FAM78A: variants seen among roughly 807,000 people sequenced by gnomAD.
FAM78A encodes the protein protein FAM78A.
In FAM78A, 12 loss-of-function variants were observed where a neutral mutation model predicts 22.6. That is an observed-to-expected ratio of 0.53 (90% CI 0.34 to 0.86). The LOEUF (loss-of-function observed/expected upper bound fraction) is 0.86. Ranked by LOEUF, FAM78A falls within the 40% of genes least tolerant of loss-of-function variation. The pLI, the probability that FAM78A is intolerant of heterozygous loss-of-function variation, is 0.02. For missense variants in FAM78A, 322 were observed against 396.1 expected, an observed-to-expected ratio of 0.81 and a Z score of 1.59; for synonymous variants, 151 against 155.8, an observed-to-expected ratio of 0.97 and a Z score of 0.23.
chr9:131,267,962 G>C (rs981106039), intron 1 of FAM78A, among the ~76,000 whole-genome samples: 7 of 150,132 alleles, frequency 4.7e-5, no homozygotes, highest in Non-Finnish European at 1.0e-4. Context: ...TGAGGCAGGA[G>C]AATGGCATGA....
chr9:131,263,157 T>C (rs1428290645), intron 1 of FAM78A, among the ~76,000 whole-genome samples: 2 of 149,434 alleles, frequency 1.3e-5, no homozygotes, highest in East Asian at 3.9e-4. Flanking sequence ...GAGAATCGCT[T>C]GAACCCAGGA....
chr9:131,273,103 G>A (rs544741691), intron 1 of FAM78A, among the ~76,000 whole-genome samples: 1 of 152,262 alleles, frequency 6.6e-6, no homozygotes, highest in East Asian at 1.9e-4. Flanking sequence ...TGGTAACTCG[G>A]CCCCTTAGGA....
chr9:131,274,417 C>T lies in FAM78A; in HGVS notation c.323+1440G>A, dbSNP rs1326503702. Among the ~76,000 whole-genome samples the T allele has an allele frequency of 6.6e-6, 1 of 152,218 alleles. No individual in the cohort carries two copies. The highest frequency in any genetic ancestry group is 2.4e-5 in the African/African-American group (1 of 41,456). ...AGGTCCTCACTGCATAACTAAGAATCATGTTTCCCTGCTTAGAACAGAAAG... is the reference window on the plus strand; with the variant it reads ...AGGTCCTCACTGCATAACTAAGAATTATGTTTCCCTGCTTAGAACAGAAAG... On this transcript the variant is annotated intron_variant, in intron 1 of 1. Coordinates refer to ENST00000372271, the MANE Select transcript of FAM78A (RefSeq NM_033387.4). The surrounding 1 kb of genome is among the most constrained non-coding windows in gnomAD (Gnocchi z 4.2).
upstream of FAM78A, among the ~76,000 whole-genome samples, chr9:131,279,460 AT>A (rs1420648941): frequency 1.3e-5 from 2 of 152,094 alleles, no homozygotes; most frequent in African/African-American, 4.8e-5. Context: ...TGTCTGTTTC[AT>A]TTCCCGACTC....
At chr9:131,277,728 G>T (rs1456785742), upstream of FAM78A, among the ~76,000 whole-genome samples, 6 of 150,598 alleles carry the variant, frequency 4.0e-5, no homozygotes, top group Non-Finnish European at 7.4e-5. This position sits in a 1 kb window ranked among gnomAD's most constrained non-coding sequence, Gnocchi z 8.4. Flanking sequence ...TTGGGGCTTC[G>T]GGGGGGCGGC....
At chr9:131,277,432 C>T (rs934855836), upstream of FAM78A, among the ~76,000 whole-genome samples, 10 of 152,106 alleles carry the variant, frequency 6.6e-5, no homozygotes, top group African/African-American at 2.2e-4. The surrounding 1 kb of genome is among the most constrained non-coding windows in gnomAD (Gnocchi z 8.4). Flanking sequence ...CGTCAAGCGC[C>T]TCTGTCGCCC....
In FAM78A at chr9:131,275,593, A is replaced by G. The variant is rs1238285454; in HGVS notation, c.323+264T>C. ...AGTAATGTCTCTCTGCTTTCTCGGC[A>G]TCTTGCAGGGAAGGACACAGGAACC... On this transcript the variant is annotated intron_variant, in intron 1 of 1. Transcript: ENST00000372271. This position sits in a 1 kb window ranked among gnomAD's most constrained non-coding sequence, Gnocchi z 4.6. Among the ~76,000 whole-genome samples the G allele has an allele frequency of 6.6e-6, 1 of 152,208 alleles. No homozygotes were observed. Among genetic ancestry groups the G allele is most frequent in the Non-Finnish European group, 1.5e-5 (1 of 68,036 alleles).
chr9:131,261,039 C>T lies in FAM78A; in HGVS notation c.635G>A (p.Arg212His), dbSNP rs1325823077. ...DMIILQTLHW[R>H]MQLSIEVNPN... ...GTTCACCTCGATGCTGAGCTGCATG[C>T]GCCAGTGCAGCGTCTGCAGGATGAT... Residue 212 changes from arginine to histidine, a missense_variant, in exon 2 of 2, where the codon CGC becomes CAC. Physicochemically the swap from Arg to His is conservative, Grantham distance 29 (BLOSUM62 0). Coordinates refer to ENST00000372271, the MANE Select transcript of FAM78A (RefSeq NM_033387.4). This position sits in a 1 kb window ranked among gnomAD's most constrained non-coding sequence, Gnocchi z 7.1. 7 of 1,614,108 alleles carry T rather than the reference C, an allele frequency of 4.3e-6. No individual in the cohort carries two copies. The highest frequency in any genetic ancestry group is 2.2e-5 in the East Asian group (1 of 44,874).
intron 1 of FAM78A, among the ~76,000 whole-genome samples, chr9:131,271,541 G>A (rs1328753763): frequency 1.3e-5 from 2 of 152,212 alleles, no homozygotes; most frequent in East Asian, 3.9e-4. Context: ...GCTGGCCCAA[G>A]GGTTGGGAGC....
intron 1 of FAM78A, among the ~76,000 whole-genome samples, chr9:131,273,610 A>C (rs191949976): frequency 6.6e-6 from 1 of 152,364 alleles, no homozygotes; most frequent in East Asian, 1.9e-4. Context: ...CCTACGTGAC[A>C]GAGAAAGACT....
chr9:131,279,691 G>C (rs927926189), upstream of FAM78A, among the ~76,000 whole-genome samples: 4 of 152,220 alleles, frequency 2.6e-5, no homozygotes, highest in African/African-American at 9.6e-5. Flanking sequence ...GGGAGTGACA[G>C]TGCCCCGCCC....
In FAM78A at chr9:131,260,686, G is replaced by T. The variant is rs978835595; in HGVS notation, c.*136C>A. ...GAGAGCCGGGGAGGCCTTCCCGGGG[G>T]CATCAGCACAGTGAGATCCGCCCGC... On this transcript the variant is annotated 3_prime_UTR_variant, in exon 2 of 2. Coordinates refer to ENST00000372271, the MANE Select transcript of FAM78A (RefSeq NM_033387.4). This position sits in a 1 kb window ranked among gnomAD's most constrained non-coding sequence, Gnocchi z 5.4. 10 of 1,097,982 alleles carry T rather than the reference G, an allele frequency of 9.1e-6. No individual in the cohort carries two copies. The highest frequency in any genetic ancestry group is 1.1e-5 in the Non-Finnish European group (9 of 803,562). 68.0% of individuals were successfully genotyped at this position (1,097,982 alleles called of 1,614,324 possible). A position where few individuals can be genotyped will look rare whatever the true frequency, so the allele number is the denominator to read the frequency against.
Position 131,270,037 on chromosome 9 carries a change from T to TAAAAAAAA in FAM78A, c.323+5812_323+5819dup, listed in dbSNP as rs1008374603. Among the ~76,000 whole-genome samples, 6 of 85,602 alleles carry TAAAAAAAA rather than the reference T, an allele frequency of 7.0e-5. 2 individuals are homozygous for TAAAAAAAA. The highest frequency in any genetic ancestry group is 8.6e-5 in the Non-Finnish European group (4 of 46,376). The allele number at this position is 85,602 out of a possible 152,430, so 56.2% of individuals were successfully genotyped here. ...TGGTGAAACCCCATCCCTACTAAAA[T>TAAAAAAAA]AAAAAAAAAAAAAAAAAAAAAAGCC... On this transcript the variant is annotated intron_variant, in intron 1 of 1. Transcript: ENST00000372271.
At chr9:131,279,442 T>A (rs1262487390), upstream of FAM78A, among the ~76,000 whole-genome samples, 1 of 152,214 alleles carries the variant, frequency 6.6e-6, no homozygotes, top group African/African-American at 2.4e-5. Context: ...CGATATTCAC[T>A]TTTGAGATGT....
At position 131,266,614 on chromosome 9, in the gene FAM78A, G is replaced by A. The variant is rs113325399; in HGVS notation, c.324-5264C>T. The stretch of plus-strand genomic sequence containing the variant: ...AGAAGCCTGCCTGGACCCTCCACAT[G>A]GGCCAGGTGCCTCCTGCTATTCAAC... On this transcript the variant is annotated intron_variant, in intron 1 of 1. Transcript: ENST00000372271. Among the ~76,000 whole-genome samples, 443 of 152,188 alleles carry A rather than the reference G, an allele frequency of 2.9e-3. 7 individuals are homozygous for A. Among genetic ancestry groups the A allele is most frequent in the African/African-American group, 9.9e-3 (409 of 41,518 alleles).
rs1835337662 is a variant in FAM78A, at chr9:131,265,874, G to T, written c.324-4524C>A. On this transcript the variant is annotated intron_variant, in intron 1 of 1. Transcript: ENST00000372271. This position sits in a 1 kb window ranked among gnomAD's most constrained non-coding sequence, Gnocchi z 4.3. ...ATCCTCCTAGGGACCCCAAAGGACA[G>T]CAGGCAAGTCCAGGCTGGAACCCAG... 6.6e-6 allele frequency among the ~76,000 whole-genome samples: 1 copy of T among 152,194 alleles called. No individual in the cohort carries two copies. The highest frequency in any genetic ancestry group is 6.5e-5 in the Admixed American group (1 of 15,278).
chr9:131,267,709 G>A (rs1296847626), intron 1 of FAM78A, among the ~76,000 whole-genome samples: 1 of 152,102 alleles, frequency 6.6e-6, no homozygotes, highest in Non-Finnish European at 1.5e-5. Context: ...TCCTACAAGT[G>A]GCTCACATTG....
Position 131,275,959 on chromosome 9 carries a change from T to A in FAM78A, c.221A>T (p.Gln74Leu). 6.2e-7 allele frequency: 1 copy of A among 1,613,500 alleles called. No homozygotes were observed. Among genetic ancestry groups the A allele is most frequent in the Non-Finnish European group, 8.5e-7 (1 of 1,180,012 alleles). The change falls in exon 1 of 2, where the codon CAG becomes CTG. Residue 74 changes from glutamine (Q) to leucine (L), a missense_variant. Physicochemically the swap from Gln to Leu is moderately radical, Grantham distance 113 (BLOSUM62 -2). Transcript: ENST00000372271. This position sits in a 1 kb window ranked among gnomAD's most constrained non-coding sequence, Gnocchi z 4.6. Reference sequence around the variant, plus strand: ...CTTGGGGATGGGCGGCATGACCACCTGGGCCGAGGCCCGGAAGTGGGGTGT... The same window carrying A: ...CTTGGGGATGGGCGGCATGACCACCAGGGCCGAGGCCCGGAAGTGGGGTGT... ...YRTPHFRASA[Q>L]VVMPPIPKKE...
At position 131,273,411 on chromosome 9, in the gene FAM78A, C is replaced by G. The variant is rs1312081756; in HGVS notation, c.323+2446G>C. Among the ~76,000 whole-genome samples the G allele has an allele frequency of 2.0e-5, 3 of 152,222 alleles. No individual in the cohort carries two copies. In the East Asian group the frequency reaches 5.8e-4, roughly 29 times the overall value. On this transcript the variant is annotated intron_variant, in intron 1 of 1. Transcript: ENST00000372271. ...CAACCGGGATTGCACAGCCAGTGCACCCAGGGAGAATGAGCTGGGTGGGAC... is the reference window on the plus strand; with the variant it reads ...CAACCGGGATTGCACAGCCAGTGCAGCCAGGGAGAATGAGCTGGGTGGGAC...
Sources: allele counts gnomAD v4.1 joint callset (sites outside exome capture counted in the v4.1 genomes callset), GRCh38; gene constraint gnomAD v4.1.1; non-coding constraint Gnocchi (gnomAD v3.1); transcripts MANE v1.5; gene names NCBI Gene and HGNC (gene_info 2026-07-23, HGNC 2026-07-21).